Variants in KYNU observed in about 807,000 individuals in gnomAD.
KYNU encodes the protein kynureninase.
A neutral mutation model predicts 59.2 loss-of-function variants in KYNU; 54 were observed. The observed-to-expected ratio is 0.91, with a 90% confidence interval of 0.73 to 1.14. The LOEUF (loss-of-function observed/expected upper bound fraction) is 1.14. KYNU is among the 50% of genes most tolerant of loss of function. The pLI, the probability that KYNU is intolerant of heterozygous loss-of-function variation, is 0.00. For synonymous variants in KYNU, 177 were observed against 192.0 expected, an observed-to-expected ratio of 0.92 and a Z score of 0.65; for missense variants, 567 against 554.4, an observed-to-expected ratio of 1.02 and a Z score of -0.23.
chr2:142,998,932 C>T (rs1458050022), intron 10 of KYNU, among the ~76,000 whole-genome samples: 4 of 146,068 alleles, frequency 2.7e-5, no homozygotes, highest in African/African-American at 7.7e-5. Flanking sequence ...TCACTTGAAC[C>T]TGGGAGGCTG....
chr2:143,040,585 G>C lies in KYNU; in HGVS notation c.1199G>C (p.Gly400Ala), dbSNP rs1282290421. The C allele has an allele frequency of 6.2e-7, 1 of 1,612,266 alleles. No individual in the cohort carries two copies. The highest frequency in any genetic ancestry group is 8.5e-7 in the Non-Finnish European group (1 of 1,179,058). Residue 400 changes from glycine (G) to alanine (A), a missense_variant, in exon 13 of 14, where the codon GGG becomes GCG. Physicochemically the swap from Gly to Ala is moderately conservative, Grantham distance 60. Transcript: ENST00000264170. ...IITPSHVEER[G>A]CQLTITFSVP... ...ACTCCGTCTCATGTAGAGGAGCGGG[G>C]GTGCCAGCTAACAATAACATTTTCT...
At chr2:142,890,434 G>A (rs190950795) in intron 2 of KYNU, among the ~76,000 whole-genome samples, 1 of 152,208 alleles carries the variant, frequency 6.6e-6, no homozygotes, top group Admixed American at 6.5e-5. Context: ...TCCTCCAACA[G>A]TAAAGACAAT....
intron 8 of KYNU, among the ~76,000 whole-genome samples, chr2:142,972,721 A>G (rs1300009558): frequency 6.6e-6 from 1 of 150,564 alleles, no homozygotes; most frequent in Admixed American, 6.7e-5. Context: ...TTTCCACAGT[A>G]TTGTCTTGTC....
intron 11 of KYNU, among the ~76,000 whole-genome samples, chr2:143,032,775 C>T (rs1288923931): frequency 1.1e-5 from 1 of 91,738 alleles, no homozygotes; most frequent in African/African-American, 3.7e-5. Flanking sequence ...ACCACTTGAC[C>T]TAACAATCCT....
At chr2:142,969,095 A>G (rs745636390) in intron 8 of KYNU, among the ~76,000 whole-genome samples, 16 of 152,294 alleles carry the variant, frequency 1.1e-4, no homozygotes, top group Non-Finnish European at 2.2e-4. Context: ...TCAGAAATAA[A>G]GTATCTGTAC....
intron 4 of KYNU, among the ~76,000 whole-genome samples, chr2:142,934,445 A>C (rs1683320878): frequency 6.6e-6 from 1 of 152,066 alleles, no homozygotes; most frequent in Non-Finnish European, 1.5e-5. Context: ...AGTGAAGAGT[A>C]GTGTGGAGCT....
intron 4 of KYNU, chr2:142,947,172 C>G (rs753308367): frequency 1.3e-6 from 2 of 1,551,004 alleles, no homozygotes; most frequent in South Asian, 2.4e-5. Flanking sequence ...AATCTTAAGT[C>G]ATCTTGCTAA....
intron 2 of KYNU, among the ~76,000 whole-genome samples, chr2:142,885,928 G>A (rs1279250133): frequency 1.3e-5 from 2 of 152,172 alleles, no homozygotes; most frequent in African/African-American, 2.4e-5. Context: ...TATGATGTTT[G>A]TCTTAGAGAA....
In KYNU at chr2:142,979,763, C is replaced by T. The variant is rs576257245; in HGVS notation, c.730-5321C>T. On this transcript the variant is annotated intron_variant, in intron 8 of 13. Transcript: ENST00000264170. ...AGGAGTTCAAGACCAGCCTGAGCAA[C>T]GTAGTGAGAACTCATCTACAAAAAC... Among the ~76,000 whole-genome samples the T allele has an allele frequency of 6.2e-4, 94 of 152,024 alleles. 1 individual carries two copies. The highest frequency in any genetic ancestry group is 2.1e-3 in the African/African-American group (87 of 41,472).
At chr2:143,006,181 G>A (rs12466617) in intron 10 of KYNU, among the ~76,000 whole-genome samples, 9,822 of 152,052 alleles carry the variant, frequency 0.065, 361 homozygotes, top group African/African-American at 0.096. Flanking sequence ...GACAGTGGGC[G>A]CAGGCCAGTG....
intron 9 of KYNU, among the ~76,000 whole-genome samples, chr2:142,985,575 T>G (rs1328594951): frequency 6.6e-6 from 1 of 151,836 alleles, no homozygotes; most frequent in East Asian, 1.9e-4. Context: ...ACAGGGAGCA[T>G]GAAAATAAAA....
intron 8 of KYNU, among the ~76,000 whole-genome samples, chr2:142,962,328 A>G (rs948282492): frequency 6.6e-6 from 1 of 152,194 alleles, no homozygotes; most frequent in Non-Finnish European, 1.5e-5. Flanking sequence ...TCGCTTTAAA[A>G]GTGCTAATTT....
intron 7 of KYNU, 71 bp downstream of exon 7, chr2:142,957,786 A>T: frequency 1.0e-6 from 1 of 986,064 alleles, no homozygotes; most frequent in South Asian, 1.3e-5. Flanking sequence ...TTTCCTCAAA[A>T]GTTTATTAAA....
chr2:143,041,919 A>T, intron 13 of KYNU, 128 bp from the exon 14 acceptor site: 1 of 906,364 alleles, frequency 1.1e-6, no homozygotes, highest in South Asian at 1.5e-5. Flanking sequence ...TAAAGTAAAA[A>T]AATTTTGCAT....
Position 143,032,804 on chromosome 2 carries a change from C to T in KYNU, c.956-432C>T, listed in dbSNP as rs1289469718. 3.4e-5 allele frequency among the ~76,000 whole-genome samples: 5 copies of T among 148,634 alleles called. No individual in the cohort carries two copies. The East Asian group carries it at 1.0e-3, about 30-fold the overall frequency. On this transcript the variant is annotated intron_variant, in intron 11 of 13. Coordinates refer to ENST00000264170, the MANE Select transcript of KYNU (RefSeq NM_003937.3). ...CAATCCTAGAGCTAAAAGTCAGCTT[C>T]ATAGGTCATTTCATTCATATTTCTG...
At chr2:143,010,491 G>A (rs1016255631) in intron 10 of KYNU, among the ~76,000 whole-genome samples, 11 of 122,990 alleles carry the variant, frequency 8.9e-5, no homozygotes, top group East Asian at 5.0e-4. Flanking sequence ...ACTGCCCAAG[G>A]TAATTTACAG....
intron 4 of KYNU, among the ~76,000 whole-genome samples, chr2:142,930,680 T>C (rs528154191): frequency 6.6e-6 from 1 of 152,296 alleles, no homozygotes; most frequent in Non-Finnish European, 1.5e-5. Flanking sequence ...CACCTAAGGA[T>C]ACCAGCTCTA....
At position 142,886,888 on chromosome 2, in the gene KYNU, C is replaced by T. The variant is rs1163025748; in HGVS notation, c.169+1352C>T. 2.0e-5 allele frequency among the ~76,000 whole-genome samples: 3 copies of T among 152,010 alleles called. No individual in the cohort carries two copies. The East Asian group carries it at 5.8e-4, about 29-fold the overall frequency. On this transcript the variant is annotated intron_variant, in intron 2 of 13. Transcript: ENST00000264170. ...AACCCAGTTTAAAAATAGCATTGTACAGCCGGGCGCGGTGGCTCACGCCTG... is the reference window on the plus strand; with the variant it reads ...AACCCAGTTTAAAAATAGCATTGTATAGCCGGGCGCGGTGGCTCACGCCTG...
rs752036281 is a variant in KYNU, at chr2:142,985,187, A to G, written c.828+5A>G. On this transcript the variant is annotated splice_donor_5th_base_variant and intron_variant, in intron 9 of 13. Transcript: ENST00000264170. Reference sequence around the variant, plus strand: ...GCCTGCTGGTGTTCCTACAAGGTACAAACGAGTTAATACATTTACATCCCT... The same window carrying G: ...GCCTGCTGGTGTTCCTACAAGGTACGAACGAGTTAATACATTTACATCCCT... 1.3e-6 allele frequency: 2 copies of G among 1,536,376 alleles called. No homozygotes were observed. The highest frequency in any genetic ancestry group is 3.4e-4 in the Middle Eastern group (2 of 5,930).
Sources: gnomAD v4.1 joint callset for allele counts (sites outside exome capture counted in the v4.1 genomes callset) on GRCh38, gnomAD v4.1.1 for gene constraint, MANE v1.5 for transcripts, NCBI Gene and HGNC (gene_info 2026-07-23, HGNC 2026-07-21) for gene names.